Variants in PCDH9 observed in about 807,000 individuals in gnomAD.
The protein encoded by PCDH9 is protocadherin 9, also known as protocadherin-9.
In PCDH9, 24 loss-of-function variants were observed where a neutral mutation model predicts 70.6. That is an observed-to-expected ratio of 0.34 (90% CI 0.25 to 0.48). The LOEUF (loss-of-function observed/expected upper bound fraction) is 0.48, where lower values mean the gene tolerates loss of function less well. Ranked by LOEUF, PCDH9 falls within the 20% of genes least tolerant of loss-of-function variation. PCDH9 has a pLI of 0.99. For missense variants in PCDH9, 1,281 were observed against 1,503.6 expected (o/e 0.85, Z 2.45); for synonymous variants, 562 against 558.5 (o/e 1.01, Z -0.09).
chr13:66,671,696 G>A (rs547641470), intron 3 of PCDH9, among the ~76,000 whole-genome samples: 1 of 152,192 alleles, frequency 6.6e-6, no homozygotes, highest in Admixed American at 6.5e-5. Context: ...GTTGATTTAG[G>A]GTATCTGGCA....
intron 4 of PCDH9, among the ~76,000 whole-genome samples, chr13:66,573,128 C>A (rs889021307): frequency 6.6e-6 from 1 of 151,998 alleles, no homozygotes; most frequent in African/African-American, 2.4e-5. Context: ...GTCATTTTAC[C>A]TGAGGTCAGA....
intron 3 of PCDH9, among the ~76,000 whole-genome samples, chr13:66,632,404 A>G (rs773280266): frequency 3.0e-4 from 46 of 152,190 alleles, no homozygotes; most frequent in Non-Finnish European, 4.1e-4. Flanking sequence ...TAAATTAGAA[A>G]TTATTCTTGA....
At chr13:67,146,347 T>C (rs1219820585) in intron 2 of PCDH9, among the ~76,000 whole-genome samples, 3 of 152,070 alleles carry the variant, frequency 2.0e-5, no homozygotes, top group South Asian at 2.1e-4. Context: ...AAAACACATA[T>C]AAAAATGTGA....
chr13:67,018,068 A>G (rs1277083898), intron 2 of PCDH9, among the ~76,000 whole-genome samples: 1 of 152,220 alleles, frequency 6.6e-6, no homozygotes, highest in Non-Finnish European at 1.5e-5. Flanking sequence ...TTCACCTATC[A>G]GTAACATGCA....
chr13:66,899,633 C>T (rs9529154), intron 3 of PCDH9, among the ~76,000 whole-genome samples: 90,979 of 151,772 alleles, frequency 0.6, 27,794 homozygotes, highest in African/African-American at 0.74. Flanking sequence ...GAAAGCTCTG[C>T]TTGCATTATA....
chr13:66,791,234 T>A (rs1475109972), intron 3 of PCDH9, among the ~76,000 whole-genome samples: 1 of 152,148 alleles, frequency 6.6e-6, no homozygotes, highest in Non-Finnish European at 1.5e-5. Context: ...TCAATGTAGG[T>A]GAGTCATAAA....
At chr13:67,057,433 G>A (rs1480538754) in intron 2 of PCDH9, among the ~76,000 whole-genome samples, 1 of 151,856 alleles carries the variant, frequency 6.6e-6, no homozygotes, top group African/African-American at 2.4e-5. Flanking sequence ...ACGCGCCTCG[G>A]ATTTCCTAGA....
chr13:67,223,009 T>A (rs2089766924), intron 2 of PCDH9: 1 of 152,166 alleles, frequency 6.6e-6, no homozygotes, highest in Non-Finnish European at 1.5e-5. Flanking sequence ...ACACTATTTC[T>A]TTTTCAGCAT....
intron 2 of PCDH9, among the ~76,000 whole-genome samples, chr13:66,923,029 G>GT (rs1310107368): frequency 4.0e-5 from 6 of 151,250 alleles, no homozygotes; most frequent in Admixed American, 2.0e-4. Context: ...ATATTTATAC[G>GT]TAAGTCAAAA....
At chr13:66,489,474 C>A (rs1019912218) in intron 4 of PCDH9, among the ~76,000 whole-genome samples, 2 of 152,100 alleles carry the variant, frequency 1.3e-5, no homozygotes, top group Non-Finnish European at 2.9e-5. Context: ...CCACACCCAG[C>A]AAATTTTTTC....
At chr13:66,609,261 G>T (rs1044605267) in intron 4 of PCDH9, among the ~76,000 whole-genome samples, 1 of 152,030 alleles carries the variant, frequency 6.6e-6, no homozygotes, top group East Asian at 1.9e-4. Context: ...TAAAAAATAT[G>T]CTCCAAACAA....
chr13:66,561,817 A>G (rs963888193), intron 4 of PCDH9, among the ~76,000 whole-genome samples: 7 of 152,140 alleles, frequency 4.6e-5, no homozygotes, highest in African/African-American at 1.2e-4. Flanking sequence ...GGGTGGGGCC[A>G]GATAAGAGAA....
chr13:66,993,490 A>G (rs951113761), intron 2 of PCDH9, among the ~76,000 whole-genome samples: 2 of 152,188 alleles, frequency 1.3e-5, no homozygotes, highest in African/African-American at 4.8e-5. Flanking sequence ...CTTTGAAGGG[A>G]CAGGGAATGG....
intron 4 of PCDH9, among the ~76,000 whole-genome samples, chr13:66,521,648 T>C (rs1593615312): frequency 6.6e-6 from 1 of 152,248 alleles, no homozygotes; most frequent in East Asian, 1.9e-4. Flanking sequence ...AGATATATTT[T>C]ATACACAGAG....
chr13:66,813,438 G>A (rs2080545044), intron 3 of PCDH9, among the ~76,000 whole-genome samples: 2 of 151,308 alleles, frequency 1.3e-5, no homozygotes, highest in South Asian at 4.2e-4. Context: ...TGAGAGGAAG[G>A]AGGGAAGAGA....
chr13:66,952,044 C>T (rs2139704145), intron 2 of PCDH9, among the ~76,000 whole-genome samples: 1 of 152,254 alleles, frequency 6.6e-6, no homozygotes, highest in East Asian at 1.9e-4. Flanking sequence ...TTCCCAAAGG[C>T]CTGGTAACTA....
chr13:66,695,377 T>TA (rs1470986111), intron 3 of PCDH9, among the ~76,000 whole-genome samples: 3 of 152,210 alleles, frequency 2.0e-5, no homozygotes, highest in Admixed American at 2.0e-4. Context: ...GTCTAGCTAC[T>TA]ATATCCCCAA....
chr13:67,088,164 T>C (rs1369516155), intron 2 of PCDH9, among the ~76,000 whole-genome samples: 1 of 151,914 alleles, frequency 6.6e-6, no homozygotes, highest in East Asian at 1.9e-4. Flanking sequence ...CTTGGATGGC[T>C]TGATGTGACA....
chr13:66,934,309 AT>A (rs886193956), intron 2 of PCDH9, among the ~76,000 whole-genome samples: 3 of 152,118 alleles, frequency 2.0e-5, no homozygotes, highest in African/African-American at 7.2e-5. Flanking sequence ...AAGTGGGCGG[AT>A]CACCTGAGGT....
Sources: gnomAD v4.1 joint callset for allele counts (sites outside exome capture counted in the v4.1 genomes callset) on GRCh38, gnomAD v4.1.1 for gene constraint, MANE v1.5 for transcripts, NCBI Gene and HGNC (gene_info 2026-07-23, HGNC 2026-07-21) for gene names.